Variants in RBFOX1 observed in about 807,000 individuals in gnomAD.
RBFOX1 encodes RNA binding protein fox-1 homolog 1.
Under a neutral mutation model 57.7 loss-of-function variants are expected in RBFOX1, and 8 were observed. The ratio of observed to expected loss-of-function variants is 0.14; its 90% CI spans 0.08 to 0.25. RBFOX1 has a LOEUF of 0.25. Among genes scored for constraint, RBFOX1 ranks in the 10% least tolerant of loss-of-function variants. The pLI, the probability that RBFOX1 is intolerant of heterozygous loss-of-function variation, is 1.00. For missense variants in RBFOX1, 611 were observed against 548.5 expected, an observed-to-expected ratio of 1.11 and a Z score of -1.14; for synonymous variants, 326 against 222.4, an observed-to-expected ratio of 1.47 and a Z score of -4.15.
chr16:6,623,298 C>G (rs1601820821), intron 2 of RBFOX1, among the ~76,000 whole-genome samples: 1 of 152,106 alleles, frequency 6.6e-6, no homozygotes, highest in Non-Finnish European at 1.5e-5. Flanking sequence ...TTGGGCTTAG[C>G]TGTTTCAGTG....
chr16:5,528,990 C>T (rs902239370), intron 2 of RBFOX1, among the ~76,000 whole-genome samples: 4 of 152,006 alleles, frequency 2.6e-5, no homozygotes, highest in East Asian at 1.9e-4. Context: ...ACCTGATTCT[C>T]ATCTGGTTGC....
At chr16:6,117,658 T>G (rs952538803) in intron 1 of RBFOX1, among the ~76,000 whole-genome samples, 1 of 152,262 alleles carries the variant, frequency 6.6e-6, no homozygotes, top group Non-Finnish European at 1.5e-5. Context: ...CTGAGCCTGC[T>G]GGCACCTAGG....
intron 1 of RBFOX1, chr16:5,467,153 T>G (rs1056669556): frequency 1.4e-6 from 2 of 1,395,986 alleles, no homozygotes; most frequent in East Asian, 2.5e-5. Flanking sequence ...AGCAATTGTT[T>G]CAATGTAGAC....
intron 4 of RBFOX1, among the ~76,000 whole-genome samples, chr16:7,074,565 C>T (rs974144262): frequency 6.6e-6 from 1 of 151,624 alleles, no homozygotes; most frequent in African/African-American, 2.4e-5. Flanking sequence ...TTGAAAAAAG[C>T]CTCAGTGATT....
At chr16:7,139,176 C>CTGTCTCTCTCTCTGTG (rs2072923534) in intron 4 of RBFOX1, among the ~76,000 whole-genome samples, 1 of 145,792 alleles carries the variant, frequency 6.9e-6, no homozygotes, top group African/African-American at 2.6e-5. Flanking sequence ...CAATCTCTCT[C>CTGTCTCTCTCTCTGTG]TGTGTGTGTG....
chr16:7,485,934 G>T (rs372535401), intron 4 of RBFOX1, among the ~76,000 whole-genome samples: 3 of 152,070 alleles, frequency 2.0e-5, no homozygotes, highest in Non-Finnish European at 4.4e-5. Flanking sequence ...ATTGTTCATG[G>T]TTGCTGTTTT....
intron 4 of RBFOX1, among the ~76,000 whole-genome samples, chr16:5,899,645 C>A (rs1284469433): frequency 1.3e-5 from 2 of 152,150 alleles, no homozygotes; most frequent in African/African-American, 4.8e-5. Context: ...GTCAAAACCC[C>A]TCCCTGGTGG....
intron 1 of RBFOX1, among the ~76,000 whole-genome samples, chr16:5,405,350 C>T (rs1024466997): frequency 1.3e-5 from 2 of 152,202 alleles, no homozygotes; most frequent in East Asian, 3.9e-4. Flanking sequence ...ATGCTGTTCT[C>T]ATGATAGTAA....
intron 4 of RBFOX1, among the ~76,000 whole-genome samples, chr16:7,479,272 C>T (rs769387159): frequency 1.3e-5 from 2 of 151,880 alleles, no homozygotes; most frequent in Non-Finnish European, 2.9e-5. Context: ...TACAGGCATG[C>T]ACCACCACAC....
chr16:6,051,091 A>T (rs938803175), intron 1 of RBFOX1, among the ~76,000 whole-genome samples: 7 of 150,862 alleles, frequency 4.6e-5, no homozygotes, highest in African/African-American at 1.7e-4. Flanking sequence ...GGTTGGTACA[A>T]AAGTAATTGC....
chr16:7,339,451 A>G (rs1439365290), intron 4 of RBFOX1, among the ~76,000 whole-genome samples: 1 of 152,074 alleles, frequency 6.6e-6, no homozygotes, highest in Non-Finnish European at 1.5e-5. Context: ...ATGTATTATT[A>G]TTATTTTGTG....
chr16:6,450,827 A>ATACATATATATACG (rs2094594584), intron 2 of RBFOX1, among the ~76,000 whole-genome samples: 17 of 35,838 alleles, frequency 4.7e-4, no homozygotes, highest in African/African-American at 2.3e-3. Context: ...ACATATATAT[A>ATACATATATATACG]TATATATATG....
At chr16:5,687,952 C>G (rs1179695751) in intron 3 of RBFOX1, among the ~76,000 whole-genome samples, 2 of 152,144 alleles carry the variant, frequency 1.3e-5, no homozygotes, top group Admixed American at 1.3e-4. Context: ...TGTTTTTCTC[C>G]TTAACTCACA....
At chr16:6,608,302 C>A (rs1029604044) in intron 2 of RBFOX1, among the ~76,000 whole-genome samples, 12 of 152,112 alleles carry the variant, frequency 7.9e-5, no homozygotes, top group Admixed American at 5.2e-4. Flanking sequence ...ATATAGTATC[C>A]TGTGGGGAAA....
chr16:7,478,736 A>G lies in RBFOX1; in HGVS notation c.28-39411A>G, dbSNP rs551175329. ...TCCATTTGCTTTCCTTTTAGCTAAA[A>G]GGAACCCAAAACTGACTCCGCTTAT... On this transcript the variant is annotated intron_variant, in intron 4 of 15. Transcript: ENST00000550418. Among the ~76,000 whole-genome samples the G allele has an allele frequency of 1.5e-3, 223 of 152,342 alleles. 7 individuals are homozygous for G. The South Asian group carries it at 0.045, about 31-fold the overall frequency.
chr16:6,581,325 C>A (rs557420974), intron 2 of RBFOX1, among the ~76,000 whole-genome samples: 10 of 152,298 alleles, frequency 6.6e-5, no homozygotes, highest in Non-Finnish European at 1.5e-4. Flanking sequence ...GAAGCATGAA[C>A]CCAGCACCCT....
At chr16:6,454,967 C>T (rs2094730195) in intron 2 of RBFOX1, among the ~76,000 whole-genome samples, 1 of 150,232 alleles carries the variant, frequency 6.7e-6, no homozygotes, top group Non-Finnish European at 1.5e-5. Context: ...ACTGCAACCT[C>T]TGCCTCCCAG....
intron 2 of RBFOX1, among the ~76,000 whole-genome samples, chr16:6,650,426 G>C (rs141763351): frequency 5.3e-5 from 8 of 152,188 alleles, no homozygotes; most frequent in Non-Finnish European, 1.5e-5. Flanking sequence ...ACCTGATGAG[G>C]GATCACTTCT....
chr16:5,365,616 C>T (rs1442561210), intron 1 of RBFOX1, among the ~76,000 whole-genome samples: 1 of 152,104 alleles, frequency 6.6e-6, no homozygotes, highest in Non-Finnish European at 1.5e-5. Context: ...TTGCAGTGAG[C>T]CGATATCGTG....
Sources: gnomAD v4.1 joint callset for allele counts (sites outside exome capture counted in the v4.1 genomes callset) on GRCh38, gnomAD v4.1.1 for gene constraint, MANE v1.5 for transcripts, NCBI Gene and HGNC (gene_info 2026-07-23, HGNC 2026-07-21) for gene names.